FAM20C: variants seen among roughly 807,000 people sequenced by gnomAD.
The protein encoded by FAM20C is extracellular serine/threonine protein kinase FAM20C.
FAM20C carries 40 observed loss-of-function variants against 51.5 expected under a neutral mutation model. The observed-to-expected ratio is 0.78, with a 90% CI of 0.60 to 1.01. The LOEUF (loss-of-function observed/expected upper bound fraction) is 1.01, where lower values mean the gene tolerates loss of function less well. Ranked by LOEUF, FAM20C falls within the 50% of genes least tolerant of loss-of-function variation. The pLI is 0.00. For missense variants in FAM20C, 861 were observed against 844.7 expected (o/e 1.02, Z -0.24); for synonymous variants, 406 against 380.6 (o/e 1.07, Z -0.78).
intron 5 of FAM20C, among the ~76,000 whole-genome samples, chr7:250,731 C>T (rs1030126485): frequency 6.6e-6 from 1 of 152,242 alleles, no homozygotes; most frequent in Non-Finnish European, 1.5e-5. Context: ...CACTGCAGCC[C>T]GCCATGCACA....
At chr7:205,644 A>T (rs1332929422) in intron 2 of FAM20C, among the ~76,000 whole-genome samples, 1 of 152,060 alleles carries the variant, frequency 6.6e-6, no homozygotes, top group Non-Finnish European at 1.5e-5. Flanking sequence ...GAGCCCGTCG[A>T]CGGTTTCTGT....
Position 193,224 on chromosome 7 carries a change from T to C in FAM20C, c.25T>C (p.Phe9Leu). Residue 9 changes from phenylalanine (F) to leucine (L), a missense_variant, in exon 1 of 10, where the codon TTC becomes CTC. By Grantham distance (22) the Phe-to-Leu change is conservative. Coordinates refer to ENST00000313766, the MANE Select transcript of FAM20C (RefSeq NM_020223.4). MKMMLVRR[F>L]RVLILMVFLV... ...CATGAAGATGATGCTGGTGCGCCGG[T>C]TCCGCGTGCTCATCCTGATGGTGTT... 1 of 1,461,768 alleles carries C rather than the reference T, an allele frequency of 6.8e-7. No individual in the cohort carries two copies. Among genetic ancestry groups the C allele is most frequent in the Non-Finnish European group, 9.1e-7 (1 of 1,101,788 alleles). 90.5% of individuals were successfully genotyped at this position (1,461,768 alleles called of 1,614,324 possible). A position where few individuals can be genotyped will look rare whatever the true frequency, so the allele number is the denominator to read the frequency against.
intron 3 of FAM20C, chr7:228,931 G>A (rs902569055): frequency 1.2e-5 from 5 of 403,588 alleles, no homozygotes; most frequent in East Asian, 7.2e-5. Context: ...TTCCAAGACC[G>A]CCCACCAGGC....
At chr7:218,383 G>T (rs1025265548) in intron 3 of FAM20C, among the ~76,000 whole-genome samples, 1 of 152,222 alleles carries the variant, frequency 6.6e-6, no homozygotes, top group Admixed American at 6.5e-5. Flanking sequence ...CCAGTGCCGC[G>T]CTGCGTGCTG....
intron 4 of FAM20C, among the ~76,000 whole-genome samples, chr7:247,874 T>C (rs1482360430): frequency 6.6e-6 from 1 of 152,212 alleles, no homozygotes; most frequent in Admixed American, 6.5e-5. Flanking sequence ...CCTGGTCACC[T>C]CGCCTCACAG....
At chr7:256,120 G>T in intron 6 of FAM20C, 91 bp downstream of exon 6, 1 of 1,449,334 alleles carries the variant, frequency 6.9e-7, no homozygotes, top group Non-Finnish European at 9.2e-7. Context: ...CGCCCACGGG[G>T]GTGGCAGAGA....
At chr7:228,896 C>G (rs771112038) in intron 3 of FAM20C, 2 of 435,392 alleles carry the variant, frequency 4.6e-6, no homozygotes, top group South Asian at 1.6e-5. Flanking sequence ...GATTCCTCCT[C>G]CTCAAACTCA....
At chr7:252,426 CCT>C (rs1788437124) in intron 5 of FAM20C, among the ~76,000 whole-genome samples, 1 of 151,380 alleles carries the variant, frequency 6.6e-6, no homozygotes, top group Non-Finnish European at 1.5e-5. Flanking sequence ...TCTCGGAGGC[CCT>C]GCTGGAGCCC....
chr7:204,745 AG>A (rs1786272774), intron 2 of FAM20C, among the ~76,000 whole-genome samples: 1 of 152,068 alleles, frequency 6.6e-6, no homozygotes, highest in South Asian at 2.1e-4. Flanking sequence ...GGCCATGGTG[AG>A]TCCCCACATT....
At chr7:234,462 A>T (rs1787791897) in intron 3 of FAM20C, among the ~76,000 whole-genome samples, 1 of 151,924 alleles carries the variant, frequency 6.6e-6, no homozygotes, top group South Asian at 2.1e-4. Flanking sequence ...TGGCTGGCCG[A>T]GGGCAGGGCC....
At chr7:246,789 G>A (rs907218502) in intron 4 of FAM20C, among the ~76,000 whole-genome samples, 6 of 152,136 alleles carry the variant, frequency 3.9e-5, no homozygotes, top group Admixed American at 6.5e-5. Context: ...CACACAACAC[G>A]CGGTAGGGAG....
chr7:213,045 C>T (rs1335173021), intron 3 of FAM20C, among the ~76,000 whole-genome samples: 1 of 152,096 alleles, frequency 6.6e-6, no homozygotes, highest in African/African-American at 2.4e-5. Flanking sequence ...TCTGGATTTT[C>T]ATACAAATGG....
rs1014163344 is a variant in FAM20C at position 241,080 on chromosome 7, G to A, written c.864-5335G>A. Among the ~76,000 whole-genome samples the A allele has an allele frequency of 2.0e-3, 67 of 33,904 alleles. No individual in the cohort carries two copies. In the East Asian group the frequency reaches 0.036, roughly 18 times the overall value. The allele number at this position is 33,904 out of a possible 152,430, so 22.2% of individuals were successfully genotyped here. On this transcript the variant is annotated intron_variant, in intron 3 of 9. Coordinates refer to ENST00000313766, the MANE Select transcript of FAM20C (RefSeq NM_020223.4). The stretch of plus-strand genomic sequence containing the variant: ...GGGCTTACGGGCTGGGGTGAGCTTC[G>A]GGGTGAATTGTCCTAAAGGGGTGGT...
chr7:257,836 A>G (rs371124892), intron 8 of FAM20C, among the ~76,000 whole-genome samples: 1,919 of 47,828 alleles, frequency 0.04, 69 homozygotes, highest in African/African-American at 0.16. Context: ...GGAGATGGGC[A>G]GGGTGGACCC....
intron 5 of FAM20C, among the ~76,000 whole-genome samples, chr7:250,610 G>A (rs566915393): frequency 2.0e-5 from 3 of 152,286 alleles, no homozygotes; most frequent in Non-Finnish European, 4.4e-5. Flanking sequence ...CACCCTGGGA[G>A]TCCAGGGCTT....
rs1242057966 is a variant in FAM20C, at chr7:193,239, C to T, written c.40C>T (p.Leu14=). 7.5e-6 allele frequency: 11 copies of T among 1,466,772 alleles called. No homozygotes were observed. Among genetic ancestry groups the T allele is most frequent in the Non-Finnish European group, 1.0e-5 (11 of 1,105,148 alleles). 90.9% of individuals were successfully genotyped at this position (1,466,772 alleles called of 1,614,324 possible). The part of the protein sequence containing the change: ...MLVRRFRVLI[L]MVFLVACALH... ...GGTGCGCCGGTTCCGCGTGCTCATC[C>T]TGATGGTGTTCCTGGTGGCCTGCGC... is the stretch of plus-strand genomic sequence containing the variant. Residue 14 remains leucine (L), a synonymous_variant, in exon 1 of 10, where the codon CTG becomes TTG. Coordinates refer to ENST00000313766, the MANE Select transcript of FAM20C (RefSeq NM_020223.4).
chr7:218,468 G>A (rs1426093694), intron 3 of FAM20C, among the ~76,000 whole-genome samples: 1 of 152,232 alleles, frequency 6.6e-6, no homozygotes, highest in Non-Finnish European at 1.5e-5. Context: ...CAATGTCCTG[G>A]TAAGCTCGTG....
In FAM20C at chr7:206,481, C is replaced by T. The variant is rs112688684; in HGVS notation, c.785-2417C>T. ...CACTGTGATGCGTTGGCCCTGGTCC[C>T]CTCGGCCCTGCACACGTGTCCACTG... is the stretch of plus-strand genomic sequence containing the variant. On this transcript the variant is annotated intron_variant, in intron 2 of 9. Transcript: ENST00000313766. Among the ~76,000 whole-genome samples, 195 of 139,194 alleles carry T rather than the reference C, an allele frequency of 1.4e-3. 7 individuals carry two copies. Among genetic ancestry groups the T allele is most frequent in the African/African-American group, 5.1e-3 (186 of 36,624 alleles). 91.3% of individuals were successfully genotyped at this position (139,194 alleles called of 152,430 possible). A position where few individuals can be genotyped will look rare whatever the true frequency, so the allele number is the denominator to read the frequency against.
chr7:247,380 G>A (rs1167605375), intron 4 of FAM20C, among the ~76,000 whole-genome samples: 2 of 152,160 alleles, frequency 1.3e-5, no homozygotes, highest in Non-Finnish European at 2.9e-5. Context: ...TCAGCCCCCA[G>A]AGCCTCCCTG....
Sources: gnomAD v4.1 joint callset for allele counts (sites outside exome capture counted in the v4.1 genomes callset) on GRCh38, gnomAD v4.1.1 for gene constraint, MANE v1.5 for transcripts, NCBI Gene and HGNC (gene_info 2026-07-23, HGNC 2026-07-21) for gene names.